The following ERICH5 variants were observed in gnomAD, a reference collection of about 807,000 sequenced individuals.
ERICH5 encodes the protein glutamate-rich protein 5.
In ERICH5, 24 loss-of-function variants were observed where a neutral mutation model predicts 28.0. The ratio of observed to expected loss-of-function variants is 0.86; its 90% CI spans 0.62 to 1.21. ERICH5 has a LOEUF of 1.21. Among genes scored for constraint, ERICH5 ranks in the 50% most tolerant of loss-of-function variants. ERICH5 has a pLI of 0.00. For missense variants in ERICH5, 421 were observed against 441.2 expected (o/e 0.95, Z 0.41); for synonymous variants, 163 against 157.6 (o/e 1.03, Z -0.25).
chr8:98,076,297 G>C (rs948148750), intron 1 of ERICH5, among the ~76,000 whole-genome samples: 1 of 150,862 alleles, frequency 6.6e-6, no homozygotes, highest in Non-Finnish European at 1.5e-5. Context: ...CAAGTGATTC[G>C]CCCACCTTGG....
At chr8:98,088,564 C>G (rs1011928897) in intron 1 of ERICH5, among the ~76,000 whole-genome samples, 3 of 152,188 alleles carry the variant, frequency 2.0e-5, no homozygotes, top group African/African-American at 7.2e-5. Context: ...TGCCACAGTC[C>G]TTTTTCCATT....
In ERICH5 at chr8:98,090,025, T is replaced by C; in HGVS notation, c.1008T>C (p.Ile336=). 6.2e-7 allele frequency: 1 copy of C among 1,606,202 alleles called. No individual in the cohort carries two copies. Among genetic ancestry groups the C allele is most frequent in the Non-Finnish European group, 8.5e-7 (1 of 1,175,592 alleles). Residue 336 remains isoleucine (I), a synonymous_variant, in exon 2 of 3, where the codon ATT becomes ATC. Transcript: ENST00000318528. The part of the protein sequence containing the change: ...NIHTNEEDQR[I]EGETGEKVET... ...ATACTAATGAAGAGGACCAACGCAT[T>C]GAAGGTAAAAGTTATGCTGGCAAAC...
At position 98,083,199 on chromosome 8, in the gene ERICH5, C is replaced by T. The variant is rs375188973; in HGVS notation, c.59-5877C>T. 5.0e-4 allele frequency among the ~76,000 whole-genome samples: 76 copies of T among 152,156 alleles called. 2 individuals carry two copies. Among genetic ancestry groups the T allele is most frequent in the East Asian group, 1.7e-3 (9 of 5,180 alleles). ...ATGAAAATGGTTTGTCTCACTTAAC[C>T]GACAATACTAATCACTGTAATAACA... On this transcript the variant is annotated intron_variant, in intron 1 of 2. Transcript: ENST00000318528.
At chr8:98,065,462 A>C (rs1586195647) in intron 1 of ERICH5, among the ~76,000 whole-genome samples, 1 of 152,196 alleles carries the variant, frequency 6.6e-6, no homozygotes, top group East Asian at 1.9e-4. Flanking sequence ...CTCAACAAGG[A>C]CATTTTGAGC....
chr8:98,080,177 T>C (rs1815151092), intron 1 of ERICH5, among the ~76,000 whole-genome samples: 1 of 152,220 alleles, frequency 6.6e-6, no homozygotes, highest in Non-Finnish European at 1.5e-5. Context: ...TACCTTTTCA[T>C]GTCAGATACC....
intron 1 of ERICH5, among the ~76,000 whole-genome samples, chr8:98,071,646 A>AT (rs967849901): frequency 4.7e-5 from 7 of 150,274 alleles, no homozygotes; most frequent in African/African-American, 1.2e-4. Context: ...CCCCACTGTA[A>AT]TTTTTTTTTA....
At chr8:98,082,125 G>A (rs530106463) in intron 1 of ERICH5, among the ~76,000 whole-genome samples, 5 of 152,218 alleles carry the variant, frequency 3.3e-5, no homozygotes, top group African/African-American at 7.2e-5. Flanking sequence ...TATAAATTAC[G>A]AAGTAAATGT....
intron 2 of ERICH5, among the ~76,000 whole-genome samples, chr8:98,091,900 C>CTTTCTTTCTTTCTTTTCTTTCTTTCTTT: frequency 4.0e-5 from 3 of 74,676 alleles, no homozygotes; most frequent in African/African-American, 5.6e-5. Flanking sequence ...TTCTTTCTTT[C>CTTTCTTTCTTTCTTTTCTTTCTTTCTTT]CTTTCTTTCT....
chr8:98,070,137 T>TC (rs1377148271), intron 1 of ERICH5, among the ~76,000 whole-genome samples: 1 of 152,082 alleles, frequency 6.6e-6, no homozygotes, highest in Admixed American at 6.6e-5. Context: ...TGTGTGTGAC[T>TC]CCAAAGCCCC....
chr8:98,085,136 C>CTTTTTTTT lies in ERICH5; in HGVS notation c.59-3905_59-3898dup, dbSNP rs760470751. ...TTCCCTGGTGTGAACGTTCCACAGCCTTTTTTTTTTTTTTTTTTTTTTTTT... is the reference window on the plus strand; with the variant it reads ...TTCCCTGGTGTGAACGTTCCACAGCCTTTTTTTTTTTTTTTTTTTTTTTTTTTTTTTTT... On this transcript the variant is annotated intron_variant, in intron 1 of 2. Coordinates refer to ENST00000318528, the MANE Select transcript of ERICH5 (RefSeq NM_173549.3). Among the ~76,000 whole-genome samples, 33 of 57,318 alleles carry CTTTTTTTT rather than the reference C, an allele frequency of 5.8e-4. 5 individuals are homozygous for CTTTTTTTT. The highest frequency in any genetic ancestry group is 1.7e-3 in the East Asian group (3 of 1,792). The allele number at this position is 57,318 out of a possible 152,430, so 37.6% of individuals were successfully genotyped here.
intron 1 of ERICH5, among the ~76,000 whole-genome samples, chr8:98,067,625 T>G (rs1393415015): frequency 6.6e-6 from 1 of 152,110 alleles, no homozygotes; most frequent in Admixed American, 6.5e-5. Context: ...GTATCTTTTT[T>G]TTTTTTTGAG....
At chr8:98,091,361 G>A (rs1307081742) in intron 2 of ERICH5, among the ~76,000 whole-genome samples, 1 of 152,214 alleles carries the variant, frequency 6.6e-6, no homozygotes, top group African/African-American at 2.4e-5. Context: ...GGGAAGGCAG[G>A]ATGTGCGTGC....
At chr8:98,086,052 A>C (rs768103930) in intron 1 of ERICH5, among the ~76,000 whole-genome samples, 1 of 152,210 alleles carries the variant, frequency 6.6e-6, no homozygotes, top group Non-Finnish European at 1.5e-5. Context: ...ATAAATAATC[A>C]TTAAAGCATC....
In ERICH5 at chr8:98,079,166, C is replaced by CT. The variant is rs528062932; in HGVS notation, c.59-9888dup. On this transcript the variant is annotated intron_variant, in intron 1 of 2. Transcript: ENST00000318528. Reference sequence around the variant, plus strand: ...CCACATTTTCCTCTTTTTTTTTTTCCTTTTTTTTTTTTTTTTTTTTTTGAG... The same window carrying CT: ...CCACATTTTCCTCTTTTTTTTTTTCCTTTTTTTTTTTTTTTTTTTTTTTGAG... Among the ~76,000 whole-genome samples the CT allele has an allele frequency of 8.3e-3, 625 of 75,582 alleles. 6 individuals carry two copies. Among genetic ancestry groups the CT allele is most frequent in the African/African-American group, 0.025 (525 of 21,160 alleles). The allele number at this position is 75,582 out of a possible 152,430, so 49.6% of individuals were successfully genotyped here. A position where few individuals can be genotyped will look rare whatever the true frequency, so the allele number is the denominator to read the frequency against.
At position 98,068,467 on chromosome 8, in the gene ERICH5, C is replaced by G. The variant is rs535286196; in HGVS notation, c.58+3740C>G. ...GAAATGTGTGAGGAAAGAGACTTTTCATTCCAAAGGATAATTAGACAGATT... is the reference window on the plus strand; with the variant it reads ...GAAATGTGTGAGGAAAGAGACTTTTGATTCCAAAGGATAATTAGACAGATT... On this transcript the variant is annotated intron_variant, in intron 1 of 2. Transcript: ENST00000318528. Among the ~76,000 whole-genome samples the G allele has an allele frequency of 3.3e-5, 5 of 152,314 alleles. No homozygotes were observed. The South Asian group carries it at 1.0e-3, about 32-fold the overall frequency.
intron 1 of ERICH5, among the ~76,000 whole-genome samples, chr8:98,066,708 T>C (rs1814824751): frequency 6.6e-6 from 1 of 152,184 alleles, no homozygotes; most frequent in South Asian, 2.1e-4. Context: ...AACACACACG[T>C]TGAATCAATC....
chr8:98,091,891 T>TCCTTC, intron 2 of ERICH5, among the ~76,000 whole-genome samples: 1 of 74,426 alleles, frequency 1.3e-5, no homozygotes, highest in African/African-American at 5.0e-5. Flanking sequence ...TTTCTTTCTT[T>TCCTTC]CTTTCTTTCC....
intron 1 of ERICH5, among the ~76,000 whole-genome samples, chr8:98,072,626 A>G (rs1471313623): frequency 1.3e-5 from 2 of 152,168 alleles, no homozygotes; most frequent in Admixed American, 1.3e-4. Context: ...TGACAGAGTG[A>G]GACTCCATCT....
At chr8:98,084,385 T>C (rs1227673319) in intron 1 of ERICH5, among the ~76,000 whole-genome samples, 2 of 152,120 alleles carry the variant, frequency 1.3e-5, no homozygotes, top group Non-Finnish European at 2.9e-5. Context: ...GGGAGTATTT[T>C]GTTTGTTTGT....
Sources: allele counts gnomAD v4.1 joint callset (sites outside exome capture counted in the v4.1 genomes callset), GRCh38; gene constraint gnomAD v4.1.1; transcripts MANE v1.5; gene names NCBI Gene and HGNC (gene_info 2026-07-23, HGNC 2026-07-21).